Variants in SKA3 observed in about 807,000 individuals in gnomAD.
The protein encoded by SKA3 is spindle and kinetochore-associated protein 3.
SKA3 carries 39 observed loss-of-function variants against 44.2 expected under a neutral mutation model. The observed-to-expected ratio is 0.88, with a 90% confidence interval of 0.68 to 1.15. SKA3 has a LOEUF of 1.15. Ranked by LOEUF, SKA3 falls within the 50% of genes most tolerant of loss-of-function variation. SKA3 has a pLI of 0.00. For synonymous variants in SKA3, 192 were observed against 172.0 expected, an observed-to-expected ratio of 1.12 and a Z score of -0.91; for missense variants, 511 against 485.8, an observed-to-expected ratio of 1.05 and a Z score of -0.49.
chr13:21,159,287 G>A (rs1483372911), intron 6 of SKA3, among the ~76,000 whole-genome samples: 1 of 151,988 alleles, frequency 6.6e-6, no homozygotes, highest in Non-Finnish European at 1.5e-5. Flanking sequence ...GACTAAAGAG[G>A]GATAAGGTTT....
At chr13:21,169,559 C>T (rs1402291027) in intron 3 of SKA3, among the ~76,000 whole-genome samples, 1 of 152,144 alleles carries the variant, frequency 6.6e-6, no homozygotes, top group Non-Finnish European at 1.5e-5. Context: ...AACTTCCCTT[C>T]AGCCTCTGCC....
chr13:21,163,081 TCA>T (rs1293163311), intron 4 of SKA3, among the ~76,000 whole-genome samples: 1 of 152,124 alleles, frequency 6.6e-6, no homozygotes, highest in African/African-American at 2.4e-5. Flanking sequence ...TTTTACCCAG[TCA>T]TTTTACCTCT....
chr13:21,173,602 G>C (rs1178640708), intron 1 of SKA3, among the ~76,000 whole-genome samples: 2 of 107,882 alleles, frequency 1.9e-5, no homozygotes, highest in East Asian at 6.0e-4. Context: ...TGTCACTTAT[G>C]AACTTGATTT....
chr13:21,156,126 G>A lies in SKA3; in HGVS notation c.1120-315C>T, dbSNP rs1870107792. Among the ~76,000 whole-genome samples the A allele has an allele frequency of 4.0e-5, 6 of 149,748 alleles. No individual in the cohort carries two copies. In the South Asian group the frequency reaches 1.3e-3, roughly 32 times the overall value. ...TACTTGAACCCCAGAGGCGGAGGTT[G>A]CAGTGAGCTGAGATCATGTCACTGC... is the stretch of plus-strand genomic sequence containing the variant. On this transcript the variant is annotated intron_variant, in intron 7 of 8. Transcript: ENST00000314759.
intron 4 of SKA3, among the ~76,000 whole-genome samples, chr13:21,166,167 T>G (rs1159126909): frequency 2.0e-5 from 3 of 151,870 alleles, no homozygotes; most frequent in Admixed American, 2.0e-4. Flanking sequence ...ATAGGCGCCC[T>G]CCACCAAACC....
Position 21,172,618 on chromosome 13 carries a change from A to G in SKA3, c.165+2T>C. The G allele has an allele frequency of 6.5e-7, 1 of 1,546,464 alleles. No individual in the cohort carries two copies. The highest frequency in any genetic ancestry group is 1.3e-5 in the South Asian group (1 of 78,444). On this transcript the variant is annotated splice_donor_variant, in intron 2 of 8. Coordinates refer to ENST00000314759, the MANE Select transcript of SKA3 (RefSeq NM_145061.6). LOFTEE classifies it high-confidence loss of function. The stretch of plus-strand genomic sequence containing the variant: ...AATAAATCAATATTGTAGGAGTGAT[A>G]CCTTTAGAGTCTGAACTTCTGAATG...
At chr13:21,175,480 G>C (rs1226847970) in intron 1 of SKA3, among the ~76,000 whole-genome samples, 1 of 151,032 alleles carries the variant, frequency 6.6e-6, no homozygotes, top group African/African-American at 2.4e-5. Flanking sequence ...GTTTCACCGT[G>C]TTAGCCAGAA....
chr13:21,170,333 C>A (rs1774777748), intron 3 of SKA3, among the ~76,000 whole-genome samples: 1 of 152,022 alleles, frequency 6.6e-6, no homozygotes, highest in African/African-American at 2.4e-5. Context: ...GCACACGCCA[C>A]CACACCCAGC....
In SKA3 at chr13:21,165,442, A is replaced by C. The variant is rs549198149; in HGVS notation, c.743+2546T>G. Among the ~76,000 whole-genome samples, 16 of 151,546 alleles carry C rather than the reference A, an allele frequency of 1.1e-4. No homozygotes were observed. In the South Asian group the frequency reaches 1.2e-3, roughly 12 times the overall value. ...GTCTCTAAAAATAAATAAATAAATAAATAAATACATAAAGAAAGAAATAGT... is the reference window on the plus strand; with the variant it reads ...GTCTCTAAAAATAAATAAATAAATACATAAATACATAAAGAAAGAAATAGT... On this transcript the variant is annotated intron_variant, in intron 4 of 8. Coordinates refer to ENST00000314759, the MANE Select transcript of SKA3 (RefSeq NM_145061.6).
At chr13:21,155,596 G>A (rs563500189) in intron 8 of SKA3, 97 bp downstream of exon 8, 32 of 790,728 alleles carry the variant, frequency 4.0e-5, no homozygotes, top group South Asian at 1.5e-4. Context: ...TAGTAGAGAC[G>A]AGGTTTCACC....
At chr13:21,164,738 C>T (rs992372552) in intron 4 of SKA3, among the ~76,000 whole-genome samples, 3 of 151,866 alleles carry the variant, frequency 2.0e-5, no homozygotes, top group African/African-American at 7.3e-5. Flanking sequence ...ATGTTCCAGT[C>T]TATTTATTTT....
chr13:21,160,124 A>T, intron 5 of SKA3, 137 bp from the exon 6 acceptor site: 1 of 517,850 alleles, frequency 1.9e-6, no homozygotes. Flanking sequence ...AGTAATACAC[A>T]ATAACAAATA....
At chr13:21,173,140 G>A (rs1871165783) in intron 1 of SKA3, among the ~76,000 whole-genome samples, 1 of 147,748 alleles carries the variant, frequency 6.8e-6, no homozygotes. Context: ...TTTATAAAAT[G>A]AGCATACCTG....
chr13:21,175,792 C>G (rs1174009959), intron 1 of SKA3, among the ~76,000 whole-genome samples: 1 of 152,108 alleles, frequency 6.6e-6, no homozygotes, highest in African/African-American at 2.4e-5. Flanking sequence ...TAAACCCCAG[C>G]ACTGTTGAGT....
intron 2 of SKA3, 33 bp from the exon 3 acceptor site, chr13:21,172,537 C>T (rs1214386703): frequency 3.3e-6 from 5 of 1,530,518 alleles, no homozygotes; most frequent in African/African-American, 2.8e-5. Context: ...ATTTTAATTT[C>T]TCTAACTTCT....
intron 4 of SKA3, among the ~76,000 whole-genome samples, chr13:21,162,282 T>C (rs1178542578): frequency 6.6e-6 from 1 of 152,162 alleles, no homozygotes; most frequent in Non-Finnish European, 1.5e-5. Context: ...GAATACAAGA[T>C]AGTTCAGGAT....
At position 21,159,988 on chromosome 13, in the gene SKA3, C is replaced by G. The variant is rs1249548080; in HGVS notation, c.830-1G>C. 6.3e-7 allele frequency: 1 copy of G among 1,586,412 alleles called. No individual in the cohort carries two copies. The highest frequency in any genetic ancestry group is 1.1e-5 in the South Asian group (1 of 87,072). ...AAAGGAGAGTTGGTATATTCGGCAT[C>G]TAAAAGACACATAAAATGGTCATTA... On this transcript the variant is annotated splice_acceptor_variant, in intron 5 of 8. Transcript: ENST00000314759. LOFTEE classifies it high-confidence loss of function.
At chr13:21,158,423 C>T (rs767185177) in intron 6 of SKA3, among the ~76,000 whole-genome samples, 2 of 151,786 alleles carry the variant, frequency 1.3e-5, no homozygotes, top group Non-Finnish European at 2.9e-5. Flanking sequence ...GAGTTTGAGA[C>T]CAGCTTCGCC....
chr13:21,155,411 T>A (rs1388239244), intron 8 of SKA3, among the ~76,000 whole-genome samples: 2 of 149,564 alleles, frequency 1.3e-5, no homozygotes, highest in African/African-American at 2.4e-5. Flanking sequence ...AATGTTAATT[T>A]TTTTTTTTTT....
Sources: gnomAD v4.1 joint callset for allele counts (sites outside exome capture counted in the v4.1 genomes callset) on GRCh38, gnomAD v4.1.1 for gene constraint, MANE v1.5 for transcripts, NCBI Gene and HGNC (gene_info 2026-07-23, HGNC 2026-07-21) for gene names.